The following TCF25 variants were observed in gnomAD, a reference collection of about 807,000 sequenced individuals.
TCF25 encodes ribosome quality control complex subunit TCF25.
Under a neutral mutation model 83.1 loss-of-function variants are expected in TCF25, and 41 were observed. The ratio of observed to expected loss-of-function variants is 0.49; its 90% CI spans 0.38 to 0.64. The LOEUF (loss-of-function observed/expected upper bound fraction) is 0.64, where lower values mean the gene tolerates loss of function less well. Among genes scored for constraint, TCF25 ranks in the 30% least tolerant of loss-of-function variants. The probability of loss-of-function intolerance (pLI) is 0.00; values close to 1 mark genes in which losing one functional copy is unlikely to be tolerated. For synonymous variants in TCF25, 458 were observed against 365.0 expected (o/e 1.25, Z -2.90); for missense variants, 979 against 914.5 (o/e 1.07, Z -0.91).
Position 89,911,124 on chromosome 16 carries a change from C to T in TCF25, c.1917C>T (p.Asn639=), listed in dbSNP as rs1390038197. 3.1e-6 allele frequency: 5 copies of T among 1,611,632 alleles called. No individual in the cohort carries two copies. Among genetic ancestry groups the T allele is most frequent in the African/African-American group, 2.7e-5 (2 of 74,892 alleles). Residue 639 remains asparagine (N), a synonymous_variant, in exon 18 of 18, where the codon AAC becomes AAT. Transcript: ENST00000263346. ...EEGVAGGLNR[N]QGLNRLMLAV... ...GAGTGGCTGGGGGTCTGAACCGCAA[C>T]CAGGGCCTGAACAGGCTGATGCTGG...
In TCF25 at chr16:89,892,282, G is replaced by T; in HGVS notation, c.697+7G>T. The T allele has an allele frequency of 1.2e-6, 2 of 1,609,018 alleles. No individual in the cohort carries two copies. Among genetic ancestry groups the T allele is most frequent in the Non-Finnish European group, 1.7e-6 (2 of 1,178,098 alleles). Reference sequence around the variant, plus strand: ...CCCCGCTACAGCAAACCAGGTGAGGGTCTGCAGATGCTGCTGGGGATGGAG... The same window carrying T: ...CCCCGCTACAGCAAACCAGGTGAGGTTCTGCAGATGCTGCTGGGGATGGAG... On this transcript the variant is annotated splice_region_variant and intron_variant, in intron 6 of 17. Transcript: ENST00000263346.
At chr16:89,905,220 G>T in intron 14 of TCF25, 124 bp downstream of exon 14, 1 of 1,330,372 alleles carries the variant, frequency 7.5e-7, no homozygotes, top group South Asian at 1.5e-5. Flanking sequence ...CTTGCTGTGG[G>T]GCCTGTGTGG....
chr16:89,894,210 C>T (rs28661943), intron 7 of TCF25, among the ~76,000 whole-genome samples: 11,137 of 151,696 alleles, frequency 0.073, 552 homozygotes, highest in East Asian at 0.24. Flanking sequence ...CTCAGATTCC[C>T]GGCCCCCGTG....
intron 4 of TCF25, among the ~76,000 whole-genome samples, chr16:89,887,270 T>C (rs140413923): frequency 6.6e-6 from 1 of 152,068 alleles, no homozygotes; most frequent in African/African-American, 2.4e-5. Context: ...GCTTAATGAA[T>C]CGCTGTCCCT....
chr16:89,904,845 A>T (rs1567734854), intron 13 of TCF25, 93 bp from the exon 14 acceptor site: 2 of 1,466,304 alleles, frequency 1.4e-6, no homozygotes, highest in African/African-American at 1.4e-5. Flanking sequence ...CACTCCCTGG[A>T]CCCCCCGTCT....
At position 89,893,716 on chromosome 16, in the gene TCF25, C is replaced by T. The variant is rs1299970252; in HGVS notation, c.698-12C>T. The T allele has an allele frequency of 3.7e-6, 6 of 1,613,502 alleles. No individual in the cohort carries two copies. Among genetic ancestry groups the T allele is most frequent in the African/African-American group, 1.3e-5 (1 of 74,926 alleles). ...TCCCGGCACACCCTCCCTGAGCACT[C>T]TCCCCTCCCAGGTCTGTCCATGCGG... On this transcript the variant is annotated splice_polypyrimidine_tract_variant and intron_variant, in intron 6 of 17. Transcript: ENST00000263346.
At chr16:89,893,633 G>A in intron 6 of TCF25, 95 bp from the exon 7 acceptor site, 3 of 1,588,530 alleles carry the variant, frequency 1.9e-6, no homozygotes, top group Non-Finnish European at 2.6e-6. Context: ...TATCGCAGAG[G>A]CCTCATCCAG....
At chr16:89,886,900 G>A (rs1422066542) in intron 4 of TCF25, among the ~76,000 whole-genome samples, 15 of 152,172 alleles carry the variant, frequency 9.9e-5, no homozygotes, top group South Asian at 2.1e-4. Flanking sequence ...TCGAGATCGC[G>A]CCACTGCACT....
chr16:89,910,466 C>T (rs575594592), intron 16 of TCF25, 125 bp from the exon 17 acceptor site: 3 of 911,720 alleles, frequency 3.3e-6, no homozygotes, highest in East Asian at 2.5e-5. Flanking sequence ...TGCTGCTGCT[C>T]TGCCCCCTGG....
chr16:89,878,406 T>C (rs1404476715), intron 1 of TCF25: 46 of 1,214,014 alleles, frequency 3.8e-5, no homozygotes, highest in Non-Finnish European at 4.7e-5. Flanking sequence ...GCCGACATGG[T>C]GAAACTCCGT....
intron 16 of TCF25, among the ~76,000 whole-genome samples, chr16:89,908,598 CCTCCCTCCTCCCAG>C (rs2045229941): frequency 1.5e-4 from 4 of 26,056 alleles, no homozygotes; most frequent in Admixed American, 4.3e-4. Context: ...CCAGCTCCCG[CCTCCCTCCTCCCAG>C]CTCCCACCTC....
intron 12 of TCF25, 76 bp from the exon 13 acceptor site, chr16:89,904,030 ACCTCGCTGTGTC>A: frequency 1.5e-6 from 2 of 1,310,780 alleles, no homozygotes; most frequent in Non-Finnish European, 2.1e-6. Flanking sequence ...TGTGACAAGG[ACCTCGCTGTGTC>A]CCTTACTGCC....
chr16:89,887,272 G>A lies in TCF25; in HGVS notation c.549-380G>A, dbSNP rs150378574. ...TGGTCTTACAGATGCTTAATGAATC[G>A]CTGTCCCTACTTCAGAAATTATTGC... On this transcript the variant is annotated intron_variant, in intron 4 of 17. Coordinates refer to ENST00000263346, the MANE Select transcript of TCF25 (RefSeq NM_014972.3). Among the ~76,000 whole-genome samples the A allele has an allele frequency of 5.3e-5, 8 of 152,014 alleles. No homozygotes were observed. In the East Asian group the frequency reaches 7.7e-4, roughly 15 times the overall value.
chr16:89,904,584 C>T, intron 13 of TCF25: 1 of 488,132 alleles, frequency 2.0e-6, no homozygotes, highest in Non-Finnish European at 3.8e-6. Context: ...TCTCAAAAAA[C>T]AAAATAAACA....
intron 7 of TCF25, among the ~76,000 whole-genome samples, chr16:89,894,352 C>T (rs1379968381): frequency 6.7e-6 from 1 of 150,298 alleles, no homozygotes; most frequent in African/African-American, 2.5e-5. Flanking sequence ...GACAGCTCCC[C>T]TTGCAGCCCC....
chr16:89,903,185 T>G (rs4785736), intron 12 of TCF25, among the ~76,000 whole-genome samples: 1 of 152,106 alleles, frequency 6.6e-6, no homozygotes, highest in Non-Finnish European at 1.5e-5. Flanking sequence ...GCACCTCCCT[T>G]GAAGGCAGGT....
intron 1 of TCF25, 65 bp from the exon 2 acceptor site, chr16:89,883,286 A>T: frequency 6.3e-7 from 1 of 1,579,660 alleles, no homozygotes; most frequent in Non-Finnish European, 8.6e-7. Context: ...CTCACTATTC[A>T]TATCTCAGCA....
At chr16:89,884,840 C>T (rs1350797453) in intron 3 of TCF25, among the ~76,000 whole-genome samples, 184 bp downstream of exon 3, 4 of 90,276 alleles carry the variant, frequency 4.4e-5, no homozygotes, top group African/African-American at 8.2e-5. Flanking sequence ...CTCTGTCTGA[C>T]GCCCTCCGTC....
At position 89,909,767 on chromosome 16, in the gene TCF25, G is replaced by A. The variant is rs1266780588; in HGVS notation, c.1800-824G>A. On this transcript the variant is annotated intron_variant, in intron 16 of 17. Coordinates refer to ENST00000263346, the MANE Select transcript of TCF25 (RefSeq NM_014972.3). The stretch of plus-strand genomic sequence containing the variant: ...GGAGAGGATGAATGTGCCCTCACCA[G>A]GCTCAGGGGAGAGGGTCCTTGTGTT... 5 of 152,512 alleles carry A rather than the reference G, an allele frequency of 3.3e-5. No homozygotes were observed. In the East Asian group the frequency reaches 9.7e-4, roughly 29 times the overall value. 9.4% of individuals were successfully genotyped at this position (152,512 alleles called of 1,614,324 possible).
Sources: allele counts gnomAD v4.1 joint callset (sites outside exome capture counted in the v4.1 genomes callset), GRCh38; gene constraint gnomAD v4.1.1; transcripts MANE v1.5; gene names NCBI Gene and HGNC (gene_info 2026-07-23, HGNC 2026-07-21).